EXOC1: variants seen among roughly 807,000 people sequenced by gnomAD.
EXOC1 encodes SEC3-like 1.
Under a neutral mutation model 107.7 loss-of-function variants are expected in EXOC1, and 67 were observed. That is an observed-to-expected ratio of 0.62 (90% confidence interval 0.51 to 0.76). The LOEUF (loss-of-function observed/expected upper bound fraction) is 0.76. Ranked by LOEUF, EXOC1 falls within the 30% of genes least tolerant of loss-of-function variation. EXOC1 has a pLI of 0.00. For missense variants in EXOC1, 833 were observed against 1,055.7 expected, an observed-to-expected ratio of 0.79 and a Z score of 2.92; for synonymous variants, 348 against 353.5, an observed-to-expected ratio of 0.98 and a Z score of 0.17.
chr4:55,896,267 A>T (rs183485955), intron 15 of EXOC1, among the ~76,000 whole-genome samples: 1 of 152,152 alleles, frequency 6.6e-6, no homozygotes, highest in East Asian at 1.9e-4. Flanking sequence ...CTCATTCCTC[A>T]GCCTCCCAAG....
In EXOC1 at chr4:55,874,384, A is replaced by G. The variant is rs531940854; in HGVS notation, c.1074+2426A>G. Among the ~76,000 whole-genome samples, 13 of 152,268 alleles carry G rather than the reference A, an allele frequency of 8.5e-5. No individual in the cohort carries two copies. The East Asian group carries it at 1.5e-3, about 18-fold the overall frequency. On this transcript the variant is annotated intron_variant, in intron 8 of 18. Coordinates refer to ENST00000381295, the MANE Select transcript of EXOC1 (RefSeq NM_001024924.2). Reference sequence around the variant, plus strand: ...ATAAAGACCTTTAAAAAGAAATACTATTATCCACTTTCATTATCTTTTCAT... The same window carrying G: ...ATAAAGACCTTTAAAAAGAAATACTGTTATCCACTTTCATTATCTTTTCAT...
intron 8 of EXOC1, among the ~76,000 whole-genome samples, chr4:55,874,091 G>C (rs575867435): frequency 1.3e-5 from 2 of 152,218 alleles, no homozygotes; most frequent in Non-Finnish European, 2.9e-5. Context: ...TCAAAAGTGA[G>C]TTTATTGAGA....
rs369925388 is a variant in EXOC1, at chr4:55,875,935, A to T, written c.1075-1982A>T. The T allele has an allele frequency of 1.2e-5, 11 of 926,940 alleles. No homozygotes were observed. The African/African-American group carries it at 2.0e-4, about 17-fold the overall frequency. The allele number at this position is 926,940 out of a possible 1,614,324, so 57.4% of individuals were successfully genotyped here. On this transcript the variant is annotated intron_variant, in intron 8 of 18. Transcript: ENST00000381295. ...ATAAATTTTTAAAAAATAAAACACA[A>T]TTTGGAGACATTTATAGACCTAAAA...
At chr4:55,898,025 T>C (rs1387712645) in intron 16 of EXOC1, among the ~76,000 whole-genome samples, 1 of 152,110 alleles carries the variant, frequency 6.6e-6, no homozygotes, top group Non-Finnish European at 1.5e-5. Context: ...GAAGGACCAG[T>C]TGGGGGATCG....
chr4:55,876,091 AG>A, intron 8 of EXOC1: 1 of 985,066 alleles, frequency 1.0e-6, no homozygotes. Context: ...ACATAGAAAT[AG>A]ATAATAGTCC....
At position 55,902,344 on chromosome 4, in the gene EXOC1, C is replaced by G; in HGVS notation, c.2338C>G (p.His780Asp). ...SLGQPLEKLN[H>D]FFEGVEARVA... Reference sequence around the variant, plus strand: ...ATTGTTTCTTTTCATTTCCTTGAAGCATTTCTTTGAAGGTGTTGAAGCTCG... The same window carrying G: ...ATTGTTTCTTTTCATTTCCTTGAAGGATTTCTTTGAAGGTGTTGAAGCTCG... The change falls in exon 18 of 19, where the codon CAT becomes GAT. Residue 780 changes from histidine to aspartate, a missense_variant and splice_region_variant. By Grantham distance (81) the His-to-Asp change is moderately conservative. Transcript: ENST00000381295. 7.0e-7 allele frequency: 1 copy of G among 1,434,014 alleles called. No individual in the cohort carries two copies. The highest frequency in any genetic ancestry group is 2.6e-5 in the East Asian group (1 of 37,852). 88.8% of individuals were successfully genotyped at this position (1,434,014 alleles called of 1,614,324 possible). A position where few individuals can be genotyped will look rare whatever the true frequency, so the allele number is the denominator to read the frequency against.
chr4:55,876,084 T>A, intron 8 of EXOC1: 1 of 985,040 alleles, frequency 1.0e-6, no homozygotes, highest in Non-Finnish European at 1.2e-6. Flanking sequence ...TTTGGCAACA[T>A]AGAAATAGAT....
At position 55,865,593 on chromosome 4, in the gene EXOC1, C is replaced by A. The variant is rs184143934; in HGVS notation, c.415+1207C>A. Among the ~76,000 whole-genome samples the A allele has an allele frequency of 7.8e-3, 1,187 of 152,114 alleles. 7 individuals are homozygous for A. The highest frequency in any genetic ancestry group is 0.027 in the African/African-American group (1,112 of 41,506). On this transcript the variant is annotated intron_variant, in intron 4 of 18. Transcript: ENST00000381295. ...ATGGCTTTTATTTTTTTTAACATTT[C>A]AGGGTTGAACATTCTGATGAGTCAG...
intron 3 of EXOC1, among the ~76,000 whole-genome samples, chr4:55,861,307 G>A (rs1187624714): frequency 6.6e-6 from 1 of 152,092 alleles, no homozygotes; most frequent in Non-Finnish European, 1.5e-5. Context: ...GTATGTCGAT[G>A]GGATGAACAT....
At chr4:55,899,559 T>C in intron 16 of EXOC1, 126 bp from the exon 17 acceptor site, 1 of 782,368 alleles carries the variant, frequency 1.3e-6, no homozygotes, top group South Asian at 2.1e-5. Flanking sequence ...CAATATATTG[T>C]ATTAAGTCCA....
intron 1 of EXOC1, among the ~76,000 whole-genome samples, chr4:55,857,769 C>T (rs1175085043): frequency 6.6e-6 from 1 of 152,182 alleles, no homozygotes; most frequent in Non-Finnish European, 1.5e-5. Flanking sequence ...TGTTTCCTCT[C>T]ATCTTCACCA....
intron 9 of EXOC1, among the ~76,000 whole-genome samples, chr4:55,878,934 C>T (rs1577724846): frequency 6.6e-6 from 1 of 152,122 alleles, no homozygotes; most frequent in East Asian, 1.9e-4. Context: ...ATAATTCAGA[C>T]GAAATGAAGT....
intron 17 of EXOC1, among the ~76,000 whole-genome samples, chr4:55,900,121 G>T (rs542147396): frequency 6.6e-6 from 1 of 152,104 alleles, no homozygotes; most frequent in East Asian, 1.9e-4. Flanking sequence ...AATTGTACTA[G>T]TATTCTATTA....
chr4:55,883,058 G>A (rs1381535285), intron 9 of EXOC1: 11 of 152,008 alleles, frequency 7.2e-5, no homozygotes. Flanking sequence ...TATGCCAAAG[G>A]ATACAAAAAT....
chr4:55,871,673 A>G (rs1268544831), intron 7 of EXOC1, among the ~76,000 whole-genome samples, 176 bp from the exon 8 acceptor site: 1 of 152,218 alleles, frequency 6.6e-6, no homozygotes. Context: ...GCAAGACCAC[A>G]CTTTGAGAAC....
chr4:55,881,400 G>A lies in EXOC1; in HGVS notation c.1225-2423G>A, dbSNP rs115250828. ...CATTTGTAGAATTTGTCTTATTGTTGTGAACCCCAAATGTCTGAGACAAGA... is the reference window on the plus strand; with the variant it reads ...CATTTGTAGAATTTGTCTTATTGTTATGAACCCCAAATGTCTGAGACAAGA... On this transcript the variant is annotated intron_variant, in intron 9 of 18. Transcript: ENST00000381295. Among the ~76,000 whole-genome samples, 775 of 152,160 alleles carry A rather than the reference G, an allele frequency of 5.1e-3. 7 individuals are homozygous for A. Among genetic ancestry groups the A allele is most frequent in the African/African-American group, 0.018 (733 of 41,510 alleles).
At chr4:55,878,780 G>A (rs1723123607) in intron 9 of EXOC1, among the ~76,000 whole-genome samples, 1 of 152,174 alleles carries the variant, frequency 6.6e-6, no homozygotes, top group Admixed American at 6.5e-5. Flanking sequence ...CTAGAACAAT[G>A]AGGTTAAGGG....
chr4:55,892,626 T>G lies in EXOC1; in HGVS notation c.1648-9T>G, dbSNP rs1724689687. ...TTTATTATGTAAAGTGCCTGAATAA[T>G]TTTTGCAGGCTGAAGCAGAGGACCT... On this transcript the variant is annotated splice_polypyrimidine_tract_variant and intron_variant, in intron 13 of 18. Transcript: ENST00000381295. 7 of 1,613,462 alleles carry G rather than the reference T, an allele frequency of 4.3e-6. No homozygotes were observed. The highest frequency in any genetic ancestry group is 5.9e-6 in the Non-Finnish European group (7 of 1,179,544).
chr4:55,870,371 C>T (rs535638853), intron 5 of EXOC1, among the ~76,000 whole-genome samples: 1 of 152,334 alleles, frequency 6.6e-6, no homozygotes, highest in East Asian at 1.9e-4. Flanking sequence ...ACCAGTGATA[C>T]TTTCTGGCAC....
Sources: allele counts gnomAD v4.1 joint callset (sites outside exome capture counted in the v4.1 genomes callset), GRCh38; gene constraint gnomAD v4.1.1; transcripts MANE v1.5; gene names NCBI Gene and HGNC (gene_info 2026-07-23, HGNC 2026-07-21).